CDK11A: variants seen among roughly 807,000 people sequenced by gnomAD.
CDK11A encodes cyclin dependent kinase 11A.
A neutral mutation model predicts 83.6 loss-of-function variants in CDK11A; 55 were observed. The ratio of observed to expected loss-of-function variants is 0.66; its 90% CI spans 0.53 to 0.82. The LOEUF is 0.82. Ranked by LOEUF, CDK11A falls within the 40% of genes least tolerant of loss-of-function variation. CDK11A has a pLI of 0.00. For missense variants in CDK11A, 564 were observed against 810.1 expected (o/e 0.70, Z 3.69); for synonymous variants, 247 against 302.7 (o/e 0.82, Z 1.91).
intron 3 of CDK11A, among the ~76,000 whole-genome samples, chr1:1,720,978 C>T (rs1390093092): frequency 6.7e-6 from 1 of 150,186 alleles, no homozygotes; most frequent in Non-Finnish European, 1.5e-5. Flanking sequence ...ACCTGTAATC[C>T]CAGCATTTTG....
chr1:1,704,813 A>G (rs771737900), intron 13 of CDK11A, 91 bp downstream of exon 13: 1 of 1,601,780 alleles, frequency 6.2e-7, no homozygotes. Flanking sequence ...TAAGTGCAGG[A>G]GAGTGTAGGA....
Position 1,720,115 on chromosome 1 carries a change from T to C in CDK11A, c.228-660A>G, listed in dbSNP as rs952929943. Among the ~76,000 whole-genome samples, 37 of 150,360 alleles carry C rather than the reference T, an allele frequency of 2.5e-4. 1 individual carries two copies. Among genetic ancestry groups the C allele is most frequent in the Non-Finnish European group, 4.3e-4 (29 of 67,452 alleles). On this transcript the variant is annotated intron_variant, in intron 3 of 19. Coordinates refer to ENST00000404249, the MANE Select transcript of CDK11A (RefSeq NM_024011.4). ...ATTTATTTATTTATTTTATTTGAGA[T>C]TGGAGTCTTGCTCTGTCGCCCAGGC...
chr1:1,708,223 C>T lies in CDK11A; in HGVS notation c.1026G>A (p.Met342Ile). ...QSAEEVSEEEMSEDEERENEN... is the reference protein window; with the variant it reads ...QSAEEVSEEEISEDEERENEN... Reference sequence around the variant, plus strand: ...CATTTTCTCGTTCTTCATCTTCACTCATTTCTTCCTCACTTACTTCTTCTG... The same window carrying T: ...CATTTTCTCGTTCTTCATCTTCACTTATTTCTTCCTCACTTACTTCTTCTG... Residue 342 changes from methionine to isoleucine, a missense_variant, in exon 10 of 20, where the codon ATG (methionine) becomes ATA (isoleucine). Met to Ile is a conservative substitution (Grantham distance 10). This residue lies in a region of CDK11A where 21 missense variants were observed against 66.1 expected (regional missense o/e 0.32). Coordinates refer to ENST00000404249, the MANE Select transcript of CDK11A (RefSeq NM_024011.4). 2 of 1,555,552 alleles carry T rather than the reference C, an allele frequency of 1.3e-6. No homozygotes were observed. The highest frequency in any genetic ancestry group is 1.8e-6 in the Non-Finnish European group (2 of 1,136,654).
chr1:1,704,189 C>T (rs1276705963), intron 15 of CDK11A, 34 bp downstream of exon 15: 3 of 1,608,074 alleles, frequency 1.9e-6, no homozygotes, highest in Non-Finnish European at 2.5e-6. Context: ...CTGGGCGGGT[C>T]ACCCTGGGAT....
chr1:1,716,814 C>CAAAAAAAAAAAAAAAAAAA (rs1168780288), intron 4 of CDK11A, among the ~76,000 whole-genome samples: 4 of 76,678 alleles, frequency 5.2e-5, no homozygotes, highest in Admixed American at 1.5e-4. Context: ...GACTCCATCT[C>CAAAAAAAAAAAAAAAAAAA]AAAAAAAAAA....
intron 3 of CDK11A, 90 bp downstream of exon 3, chr1:1,721,506 T>C (rs1301091199): frequency 1.7e-5 from 24 of 1,437,688 alleles, no homozygotes; most frequent in East Asian, 2.3e-5. Context: ...ATAGTTACAA[T>C]AGCACACAGT....
At chr1:1,714,889 A>C (rs1644580834) in intron 5 of CDK11A, among the ~76,000 whole-genome samples, 1 of 148,824 alleles carries the variant, frequency 6.7e-6, no homozygotes, top group East Asian at 2.0e-4. Flanking sequence ...GCGGGATCAC[A>C]GCTGCTCCCA....
At chr1:1,706,571 GTCTC>G (rs1181983249) in intron 11 of CDK11A, among the ~76,000 whole-genome samples, 1 of 151,266 alleles carries the variant, frequency 6.6e-6, no homozygotes, top group African/African-American at 2.4e-5. Context: ...CATCCGGAGA[GTCTC>G]TCTGTCAAAG....
rs1422400414 is a variant in CDK11A at position 1,705,670 on chromosome 1, C to T, written c.1308G>A (p.Val436=). ...LNRIEEGTYG[V]VYRAKDKKTD... is the part of the protein sequence containing the mutation. Reference sequence around the variant, plus strand: ...TTTTCTTGTCTTTTGCTCTGTAGACCACTCCATAGGTGCCCTCCTCGATCC... The same window carrying T: ...TTTTCTTGTCTTTTGCTCTGTAGACTACTCCATAGGTGCCCTCCTCGATCC... Residue 436 remains valine, a synonymous_variant, in exon 12 of 20, where the codon GTG becomes GTA. Coordinates refer to ENST00000404249, the MANE Select transcript of CDK11A (RefSeq NM_024011.4). The T allele has an allele frequency of 6.6e-6, 4 of 605,458 alleles. 1 individual carries two copies. The highest frequency in any genetic ancestry group is 1.1e-5 in the Non-Finnish European group (4 of 365,592). 37.5% of individuals were successfully genotyped at this position (605,458 alleles called of 1,614,324 possible).
chr1:1,722,393 C>G, intron 2 of CDK11A: 1 of 434,432 alleles, frequency 2.3e-6, no homozygotes, highest in East Asian at 5.1e-5. Flanking sequence ...AAGGCAAGTT[C>G]CCACTATATT....
In CDK11A at chr1:1,722,791, C is replaced by G. The variant is rs1453588821; in HGVS notation, c.28G>C (p.Val10Leu). 1 of 1,439,844 alleles carries G rather than the reference C, an allele frequency of 6.9e-7. No individual in the cohort carries two copies. The highest frequency in any genetic ancestry group is 2.5e-5 in the Admixed American group (1 of 40,056). The allele number at this position is 1,439,844 out of a possible 1,614,324, so 89.2% of individuals were successfully genotyped here. The change falls in exon 2 of 20, where the codon GTG (valine) becomes CTG (leucine). Residue 10 changes from valine to leucine, a missense_variant. By Grantham distance (32) the Val-to-Leu change is conservative (BLOSUM62 1). Coordinates refer to ENST00000404249, the MANE Select transcript of CDK11A (RefSeq NM_024011.4). Reference sequence around the variant, plus strand: ...TGAAGAATTTCATCTAAAGTTTTCACTTTCCAAGAGTCCTTTTCATCACCC... The same window carrying G: ...TGAAGAATTTCATCTAAAGTTTTCAGTTTCCAAGAGTCCTTTTCATCACCC... MGDEKDSWK[V>L]KTLDEILQEK... is the part of the protein sequence containing the mutation.
In CDK11A at chr1:1,721,360, G is replaced by A. The variant is rs189346508; in HGVS notation, c.227+236C>T. 3.6e-4 allele frequency among the ~76,000 whole-genome samples: 54 copies of A among 151,026 alleles called. 4 individuals carry two copies. The highest frequency in any genetic ancestry group is 7.2e-4 in the Non-Finnish European group (49 of 67,628). ...AGTTAAAACAGCACACCCCGTCACA[G>A]TAGCCCTAGGAAAGAGTAAACCTCA... is the stretch of plus-strand genomic sequence containing the variant. On this transcript the variant is annotated intron_variant, in intron 3 of 19. Coordinates refer to ENST00000404249, the MANE Select transcript of CDK11A (RefSeq NM_024011.4).
rs1644163887 is a variant in CDK11A, at chr1:1,703,485, A to G, written c.2051T>C (p.Leu684Pro). ...GALLSDQGFD[L>P]MNKFLTYFPG... ...GCTGCACTGGGCTCACTTGTTCATG[A>G]GGTCGAAGCCCTGGTCTGAGAGCAG... Residue 684 changes from leucine (L) to proline (P), a missense_variant, in exon 18 of 20, where the codon CTC becomes CCC. By Grantham distance (98) the Leu-to-Pro change is moderately conservative. Around this residue, in one of 5 missense-constraint regions of CDK11A, gnomAD observed 361 missense variants for 402.7 expected, o/e 0.90. Transcript: ENST00000404249. The G allele has an allele frequency of 1.7e-5, 26 of 1,521,670 alleles. 2 individuals carry two copies. The highest frequency in any genetic ancestry group is 2.3e-5 in the Non-Finnish European group (26 of 1,144,416). The allele number at this position is 1,521,670 out of a possible 1,614,324, so 94.3% of individuals were successfully genotyped here.
In CDK11A at chr1:1,708,775, A is replaced by G; in HGVS notation, c.1003+19T>C. ...ATAGTGAAGTCACAACACCTCACAC[A>G]GTCGTCGCGGTGCCTCACCGGCAGA... is the stretch of plus-strand genomic sequence containing the variant. On this transcript the variant is annotated intron_variant, in intron 9 of 19. Coordinates refer to ENST00000404249, the MANE Select transcript of CDK11A (RefSeq NM_024011.4). 6.5e-7 allele frequency: 1 copy of G among 1,547,368 alleles called. No homozygotes were observed. The highest frequency in any genetic ancestry group is 8.7e-7 in the Non-Finnish European group (1 of 1,144,596).
chr1:1,703,318 G>A, intron 18 of CDK11A, 49 bp from the exon 19 acceptor site: 1 of 601,542 alleles, frequency 1.7e-6, no homozygotes, highest in Non-Finnish European at 2.5e-6. Flanking sequence ...TGCTCCACTG[G>A]GTCCCCCAAA....
rs1020828984 is a variant in CDK11A at position 1,714,431 on chromosome 1, A to T, written c.488+1915T>A. ...GTTTCTACTGATGATGTTCTTCCTCAGTACGGGTCACACTGTCATACTTCT... is the reference window on the plus strand; with the variant it reads ...GTTTCTACTGATGATGTTCTTCCTCTGTACGGGTCACACTGTCATACTTCT... On this transcript the variant is annotated intron_variant, in intron 5 of 19. Transcript: ENST00000404249. Among the ~76,000 whole-genome samples, 5 of 50,918 alleles carry T rather than the reference A, an allele frequency of 9.8e-5. 1 individual carries two copies. Among genetic ancestry groups the T allele is most frequent in the African/African-American group, 1.8e-4 (5 of 27,198 alleles). The allele number at this position is 50,918 out of a possible 152,430, so 33.4% of individuals were successfully genotyped here. A position where few individuals can be genotyped will look rare whatever the true frequency, so the allele number is the denominator to read the frequency against.
chr1:1,717,325 C>G (rs1016273825), intron 4 of CDK11A, among the ~76,000 whole-genome samples: 4 of 151,120 alleles, frequency 2.6e-5, no homozygotes, highest in African/African-American at 7.3e-5. Flanking sequence ...ATTAATTAAT[C>G]AAGCGTATTT....
intron 4 of CDK11A, among the ~76,000 whole-genome samples, chr1:1,717,615 AG>A (rs1557796507): frequency 6.8e-5 from 3 of 44,090 alleles, no homozygotes; most frequent in Admixed American, 3.1e-4. Flanking sequence ...GCTTTCAGCT[AG>A]AGTTTGCTCT....
rs1325133023 is a variant in CDK11A, at chr1:1,708,892, CCTTCCTCCTCCTCCT to C, written c.890_904del (p.Glu297_Glu301del). 1.2e-3 allele frequency: 1,116 copies of C among 967,168 alleles called. 14 individuals carry two copies. The highest frequency in any genetic ancestry group is 4.5e-3 in the Admixed American group (209 of 46,792). The allele number at this position is 967,168 out of a possible 1,614,324, so 59.9% of individuals were successfully genotyped here. A position where few individuals can be genotyped will look rare whatever the true frequency, so the allele number is the denominator to read the frequency against. ...CTCCTCTGATTCTTCACTGGTGCTC[CCTTCCTCCTCCTCCT>C]CTTCCTCCTCCTCCTCTTCTTCCTC... On this transcript the variant is annotated inframe_deletion, in exon 9 of 20. Transcript: ENST00000404249.
Sources: allele counts gnomAD v4.1 joint callset (sites outside exome capture counted in the v4.1 genomes callset), GRCh38; gene constraint gnomAD v4.1.1; regional missense constraint gnomAD v4.1.1; transcripts MANE v1.5; gene names NCBI Gene and HGNC (gene_info 2026-07-23, HGNC 2026-07-21).